Variants in NRG1 observed in about 807,000 individuals in gnomAD.
The protein encoded by NRG1 is neuregulin 1, also known as pro-neuregulin-1, membrane-bound isoform.
A neutral mutation model predicts 63.8 loss-of-function variants in NRG1; 18 were observed. The ratio of observed to expected loss-of-function variants is 0.28; its 90% CI spans 0.19 to 0.42. The LOEUF is 0.42. Among genes scored for constraint, NRG1 ranks in the 10% least tolerant of loss-of-function variants. The probability of loss-of-function intolerance (pLI) is 1.00; values close to 1 mark genes in which losing one functional copy is unlikely to be tolerated. For missense variants in NRG1, 762 were observed against 814.7 expected (o/e 0.94, Z 0.79); for synonymous variants, 302 against 301.3 (o/e 1.00, Z -0.02).
chr8:31,825,630 C>T (rs1824473721), intron 1 of NRG1, among the ~76,000 whole-genome samples: 1 of 151,906 alleles, frequency 6.6e-6, no homozygotes, highest in Non-Finnish European at 1.5e-5. Flanking sequence ...AGAGAAGAGA[C>T]AGACATGAAA....
At chr8:31,968,389 C>G (rs1806722679) in intron 1 of NRG1, among the ~76,000 whole-genome samples, 1 of 151,860 alleles carries the variant, frequency 6.6e-6, no homozygotes, top group Non-Finnish European at 1.5e-5. Context: ...TATTTGCCAC[C>G]CTTTGCAAAT....
intron 1 of NRG1, among the ~76,000 whole-genome samples, chr8:31,766,693 A>G (rs1052492919): frequency 2.6e-5 from 4 of 152,180 alleles, no homozygotes. Context: ...CGAACACTAT[A>G]CTTCTATGTT....
chr8:31,978,737 T>A (rs911202416), intron 1 of NRG1, among the ~76,000 whole-genome samples: 16 of 152,132 alleles, frequency 1.1e-4, no homozygotes, highest in African/African-American at 3.6e-4. Flanking sequence ...AGCACCCTGT[T>A]TGCCAGATGT....
intron 1 of NRG1, among the ~76,000 whole-genome samples, chr8:32,261,731 T>C (rs544121561): frequency 2.0e-5 from 3 of 152,324 alleles, no homozygotes; most frequent in African/African-American, 7.2e-5. Flanking sequence ...GGCATTCTCA[T>C]TTCAGAAGCT....
intron 1 of NRG1, among the ~76,000 whole-genome samples, chr8:32,463,472 C>CT (rs1341371477): frequency 2.0e-5 from 3 of 152,114 alleles, no homozygotes; most frequent in Admixed American, 6.6e-5. Flanking sequence ...TATCTCTTGA[C>CT]TTTTTTATAC....
chr8:32,351,032 A>C (rs182886169), intron 1 of NRG1, among the ~76,000 whole-genome samples: 1 of 152,112 alleles, frequency 6.6e-6, no homozygotes, highest in Non-Finnish European at 1.5e-5. Flanking sequence ...CATGTCCACT[A>C]TCGGTGTACT....
chr8:32,628,471 G>T (rs1207304668), intron 5 of NRG1, among the ~76,000 whole-genome samples: 1 of 152,052 alleles, frequency 6.6e-6, no homozygotes, highest in Non-Finnish European at 1.5e-5. Flanking sequence ...TATGTTTTAG[G>T]ATACATAGAT....
chr8:32,031,759 G>T (rs970239281), intron 1 of NRG1, among the ~76,000 whole-genome samples: 8 of 152,090 alleles, frequency 5.3e-5, no homozygotes, highest in African/African-American at 1.2e-4. Flanking sequence ...ATGGCTTCCA[G>T]CTCCATCCAT....
intron 7 of NRG1, among the ~76,000 whole-genome samples, chr8:32,748,335 G>GCACA (rs548320218): frequency 0.046 from 4,370 of 94,382 alleles, 90 homozygotes; most frequent in Middle Eastern, 0.077. Context: ...ACACGCGCGC[G>GCACA]CGCGCACACA....
chr8:32,729,186 T>C (rs948865228), intron 6 of NRG1, among the ~76,000 whole-genome samples: 2 of 152,208 alleles, frequency 1.3e-5, no homozygotes, highest in African/African-American at 2.4e-5. Context: ...TAAAAACTAA[T>C]AGGACTCATT....
chr8:32,100,031 T>C (rs2131349193), intron 1 of NRG1, among the ~76,000 whole-genome samples: 1 of 152,206 alleles, frequency 6.6e-6, no homozygotes, highest in South Asian at 2.1e-4. Flanking sequence ...AGTCTGTGAA[T>C]GAGAAGGGCT....
At chr8:32,764,018 T>A in exon 12 of NRG1, 2 of 1,614,062 alleles carry the variant, frequency 1.2e-6, no homozygotes, top group Non-Finnish European at 1.7e-6. Context: ...ACAGCCTCCC[T>A]GCTAGCCCCT....
intron 1 of NRG1, among the ~76,000 whole-genome samples, chr8:31,739,806 C>A (rs993261859): frequency 4.0e-5 from 6 of 151,644 alleles, no homozygotes; most frequent in Admixed American, 6.6e-5. Context: ...TATTTTTTTT[C>A]TTTATAAAAC....
intron 1 of NRG1, among the ~76,000 whole-genome samples, chr8:32,131,636 A>G (rs1353911125): frequency 2.0e-5 from 3 of 152,066 alleles, no homozygotes; most frequent in Admixed American, 6.6e-5. Flanking sequence ...GTGATCCCAC[A>G]GAAAAGGGCA....
At chr8:32,092,893 C>G (rs1175079694) in intron 1 of NRG1, among the ~76,000 whole-genome samples, 1 of 152,066 alleles carries the variant, frequency 6.6e-6, no homozygotes, top group Non-Finnish European at 1.5e-5. Flanking sequence ...AGTTGTGTGA[C>G]CAAGTGTTGA....
rs1265749238 is a variant in NRG1, at chr8:32,742,543, A to C, written c.633-132A>C. ...GAGCCTGAAAGCCATGATCAGGGCA[A>C]AGATTCAGTTCCTGAGGGTGAACTC... On this transcript the variant is annotated intron_variant, in intron 6 of 11. Transcript: ENST00000356819. This position sits in a 1 kb window ranked among gnomAD's most constrained non-coding sequence, Gnocchi z 4.2. The C allele has an allele frequency of 2.6e-5, 20 of 776,908 alleles. No homozygotes were observed. The highest frequency in any genetic ancestry group is 3.8e-5 in the Non-Finnish European group (18 of 477,758). 48.1% of individuals were successfully genotyped at this position (776,908 alleles called of 1,614,324 possible).
At chr8:32,438,634 G>T (rs754861579) in intron 1 of NRG1, among the ~76,000 whole-genome samples, 1 of 152,088 alleles carries the variant, frequency 6.6e-6, no homozygotes, top group Non-Finnish European at 1.5e-5. Context: ...AATTAGATGT[G>T]CCATTTTATA....
chr8:32,763,506 AG>A, intron 11 of NRG1: 1 of 1,077,922 alleles, frequency 9.3e-7, no homozygotes, highest in Non-Finnish European at 1.3e-6. Context: ...AAATCCCAAA[AG>A]CTTTGATGAG....
chr8:31,814,265 G>A (rs1334636869), intron 1 of NRG1, among the ~76,000 whole-genome samples: 2 of 152,156 alleles, frequency 1.3e-5, no homozygotes, highest in African/African-American at 4.8e-5. Context: ...TAGCTACCTG[G>A]AATAAAACAC....
Sources: allele counts gnomAD v4.1 joint callset (sites outside exome capture counted in the v4.1 genomes callset), GRCh38; gene constraint gnomAD v4.1.1; non-coding constraint Gnocchi (gnomAD v3.1); transcripts MANE v1.5; gene names NCBI Gene and HGNC (gene_info 2026-07-23, HGNC 2026-07-21).